Variants in ACVR1 observed in about 807,000 individuals in gnomAD.
The protein encoded by ACVR1 is activin receptor type-1.
A neutral mutation model predicts 57.1 loss-of-function variants in ACVR1; 38 were observed. The observed-to-expected ratio is 0.67, with a 90% CI of 0.51 to 0.87. The LOEUF is 0.87. ACVR1 is among the 40% of genes least tolerant of loss of function. The probability of loss-of-function intolerance (pLI) is 0.00; values close to 1 mark genes in which losing one functional copy is unlikely to be tolerated. For missense variants in ACVR1, 463 were observed against 638.2 expected, an observed-to-expected ratio of 0.73 and a Z score of 2.96; for synonymous variants, 212 against 228.1, an observed-to-expected ratio of 0.93 and a Z score of 0.63.
At chr2:157,744,335 T>C (rs1246701152) in intron 9 of ACVR1, among the ~76,000 whole-genome samples, 2 of 152,244 alleles carry the variant, frequency 1.3e-5, no homozygotes, top group African/African-American at 4.8e-5. Flanking sequence ...GGCCCATATT[T>C]GGCATCTGAG....
At chr2:157,863,867 C>CTTT (rs56669677) in intron 1 of ACVR1, among the ~76,000 whole-genome samples, 11 of 129,034 alleles carry the variant, frequency 8.5e-5, no homozygotes, top group South Asian at 2.5e-4. Context: ...GGAGCAAATT[C>CTTT]TTTTTTTTTT....
intron 2 of ACVR1, among the ~76,000 whole-genome samples, chr2:157,802,477 C>G (rs554820313): frequency 6.6e-6 from 1 of 152,194 alleles, no homozygotes; most frequent in Admixed American, 6.5e-5. Context: ...TTCATTGCCC[C>G]CTTGGCTCTC....
intron 2 of ACVR1, among the ~76,000 whole-genome samples, chr2:157,811,468 C>A (rs1687751243): frequency 6.6e-6 from 1 of 152,120 alleles, no homozygotes; most frequent in Non-Finnish European, 1.5e-5. Flanking sequence ...ACAGATAGTT[C>A]AAGTTACATA....
At chr2:157,756,020 C>T (rs2105243915) in intron 9 of ACVR1, among the ~76,000 whole-genome samples, 1 of 152,068 alleles carries the variant, frequency 6.6e-6, no homozygotes, top group Admixed American at 6.6e-5. Flanking sequence ...AAATACTTAA[C>T]ATCCAACTGA....
chr2:157,875,567 A>T (rs1037226656), intron 1 of ACVR1: 2 of 47,348 alleles, frequency 4.2e-5, no homozygotes, highest in Admixed American at 1.9e-4. Flanking sequence ...CTGCCCCCCC[A>T]CCCCCCATAT....
At chr2:157,790,686 G>C (rs1686878902) in intron 3 of ACVR1, among the ~76,000 whole-genome samples, 1 of 152,168 alleles carries the variant, frequency 6.6e-6, no homozygotes, top group Admixed American at 6.5e-5. Context: ...CCACCATTTA[G>C]TTGCTACAGT....
At chr2:157,817,974 C>G (rs1180142119) in intron 2 of ACVR1, among the ~76,000 whole-genome samples, 1 of 150,206 alleles carries the variant, frequency 6.7e-6, no homozygotes, top group African/African-American at 2.4e-5. Flanking sequence ...TGCACTCCAG[C>G]CTAGGTGACA....
chr2:157,741,150 T>G (rs555293811), intron 9 of ACVR1, among the ~76,000 whole-genome samples: 1 of 152,292 alleles, frequency 6.6e-6, no homozygotes, highest in East Asian at 1.9e-4. Flanking sequence ...CTCTCATTTT[T>G]TTTTCCCTGA....
chr2:157,737,530 G>A lies in ACVR1; in HGVS notation c.*1C>T. On this transcript the variant is annotated 3_prime_UTR_variant, in exon 11 of 11. Transcript: ENST00000434821. Reference sequence around the variant, plus strand: ...TCTTCCTTCTTGACACTATGAAAATGTCAACAGTCAGTTTTCAATTTGTCG... The same window carrying A: ...TCTTCCTTCTTGACACTATGAAAATATCAACAGTCAGTTTTCAATTTGTCG... 2 of 1,613,972 alleles carry A rather than the reference G, an allele frequency of 1.2e-6. No individual in the cohort carries two copies. The highest frequency in any genetic ancestry group is 1.7e-6 in the Non-Finnish European group (2 of 1,179,952).
At chr2:157,737,990 A>C (rs1684603829) in intron 10 of ACVR1, among the ~76,000 whole-genome samples, 1 of 152,154 alleles carries the variant, frequency 6.6e-6, no homozygotes, top group Non-Finnish European at 1.5e-5. Flanking sequence ...AAATTTCCAA[A>C]TAGGGTCATT....
At chr2:157,869,506 A>C (rs1690047738) in intron 1 of ACVR1, among the ~76,000 whole-genome samples, 1 of 152,240 alleles carries the variant, frequency 6.6e-6, no homozygotes, top group Non-Finnish European at 1.5e-5. Flanking sequence ...AAAATTGAAT[A>C]TTAATTAAAA....
chr2:157,816,147 A>G (rs748771464), intron 2 of ACVR1, among the ~76,000 whole-genome samples: 1 of 152,228 alleles, frequency 6.6e-6, no homozygotes, highest in Admixed American at 6.5e-5. Flanking sequence ...ATTAATATGC[A>G]TATTTGTTTG....
chr2:157,786,956 A>G (rs1163821740), intron 3 of ACVR1, among the ~76,000 whole-genome samples: 1 of 152,004 alleles, frequency 6.6e-6, no homozygotes, highest in Non-Finnish European at 1.5e-5. Flanking sequence ...AGAGAATTAC[A>G]TCATCTTCCC....
At chr2:157,805,813 CTTT>C (rs1365895953) in intron 2 of ACVR1, among the ~76,000 whole-genome samples, 3 of 96,874 alleles carry the variant, frequency 3.1e-5, no homozygotes, top group East Asian at 8.0e-4. Flanking sequence ...TTTTTTTTTT[CTTT>C]TTTCTTTTTT....
Position 157,738,440 on chromosome 2 carries a change from C to T in ACVR1, c.1395G>A (p.Pro465=), listed in dbSNP as rs373855918. 12 of 1,613,910 alleles carry T rather than the reference C, an allele frequency of 7.4e-6. No homozygotes were observed. The highest frequency in any genetic ancestry group is 4.5e-5 in the East Asian group (2 of 44,898). ...AAAACTGAGAAACTGGCATTCTTACCGGGTCTGAGAACCATCTGTTGGGTA... is the reference window on the plus strand; with the variant it reads ...AAAACTGAGAAACTGGCATTCTTACTGGGTCTGAGAACCATCTGTTGGGTA... The part of the protein sequence containing the change: ...PNIPNRWFSD[P]TLTSLAKLMK... The change falls in exon 10 of 11, where the codon CCG becomes CCA. Residue 465 remains proline (P), a splice_region_variant and synonymous_variant. Transcript: ENST00000434821.
rs952642414 is a variant in ACVR1 at position 157,818,487 on chromosome 2, A to C, written c.-110T>G. The C allele has an allele frequency of 1.3e-5, 2 of 152,180 alleles. No homozygotes were observed. The highest frequency in any genetic ancestry group is 4.8e-5 in the African/African-American group (2 of 41,424). The allele number at this position is 152,180 out of a possible 1,614,324, so 9.4% of individuals were successfully genotyped here. A position where few individuals can be genotyped will look rare whatever the true frequency, so the allele number is the denominator to read the frequency against. On this transcript the variant is annotated 5_prime_UTR_variant, in exon 2 of 11. Transcript: ENST00000434821. ...GTCACTGGGGTACTCGGAGAGTAGA[A>C]GAGGCGTTCCTGGGATTATGAGTTC...
chr2:157,778,009 C>T, intron 5 of ACVR1, 122 bp downstream of exon 5: 1 of 1,053,844 alleles, frequency 9.5e-7, no homozygotes, highest in East Asian at 2.5e-5. Context: ...ACATAAGTAA[C>T]CAACAGCATG....
chr2:157,784,991 G>A (rs1028926278), intron 3 of ACVR1, among the ~76,000 whole-genome samples: 72 of 152,238 alleles, frequency 4.7e-4, no homozygotes, highest in African/African-American at 1.7e-3. Context: ...ACCTATTCAC[G>A]CCTGCCCAGT....
At chr2:157,743,647 G>C (rs1684860434) in intron 9 of ACVR1, among the ~76,000 whole-genome samples, 1 of 151,230 alleles carries the variant, frequency 6.6e-6, no homozygotes, top group Non-Finnish European at 1.5e-5. Context: ...AGTCTAAGGA[G>C]TATCCCCATG....
Sources: allele counts gnomAD v4.1 joint callset (sites outside exome capture counted in the v4.1 genomes callset), GRCh38; gene constraint gnomAD v4.1.1; transcripts MANE v1.5; gene names NCBI Gene and HGNC (gene_info 2026-07-23, HGNC 2026-07-21).